Variants in LCLAT1 observed in about 807,000 individuals in gnomAD.
LCLAT1 encodes the protein lysocardiolipin acyltransferase 1.
Under a neutral mutation model 30.7 loss-of-function variants are expected in LCLAT1, and 11 were observed. The observed-to-expected ratio is 0.36, with a 90% CI of 0.23 to 0.59. LCLAT1 has a LOEUF of 0.59. Ranked by LOEUF, LCLAT1 falls within the 20% of genes least tolerant of loss-of-function variation. The pLI is 0.77. For synonymous variants in LCLAT1, 155 were observed against 151.3 expected, an observed-to-expected ratio of 1.02 and a Z score of -0.18; for missense variants, 402 against 458.6, an observed-to-expected ratio of 0.88 and a Z score of 1.13.
intron 1 of LCLAT1, among the ~76,000 whole-genome samples, chr2:30,510,548 C>T (rs570823717): frequency 6.6e-6 from 1 of 152,096 alleles, no homozygotes; most frequent in African/African-American, 2.4e-5. Context: ...CAGTGGTATT[C>T]CTTGGTGAAC....
At chr2:30,518,396 A>G (rs1558491300) in intron 1 of LCLAT1, among the ~76,000 whole-genome samples, 1 of 152,202 alleles carries the variant, frequency 6.6e-6, no homozygotes, top group Non-Finnish European at 1.5e-5. Context: ...AGTTAGAAAA[A>G]TTGTCTAATA....
At chr2:30,611,922 C>T (rs1181547277) in intron 5 of LCLAT1, among the ~76,000 whole-genome samples, 1 of 151,880 alleles carries the variant, frequency 6.6e-6, no homozygotes, top group African/African-American at 2.4e-5. Context: ...TTTTCAGAGC[C>T]GTGTCTGCAC....
chr2:30,580,732 T>A lies in LCLAT1; in HGVS notation c.628+12556T>A, dbSNP rs116716354. On this transcript the variant is annotated intron_variant, in intron 5 of 5. Coordinates refer to ENST00000379509, the MANE Select transcript of LCLAT1 (RefSeq NM_001002257.3). ...GTAGAGGATAGGAGCAGAAATCAGG[T>A]TAAGAGGGACTCCTCATTTTGTAAG... Among the ~76,000 whole-genome samples, 1,007 of 152,266 alleles carry A rather than the reference T, an allele frequency of 6.6e-3. 10 individuals are homozygous for A. The highest frequency in any genetic ancestry group is 0.023 in the African/African-American group (964 of 41,550).
chr2:30,564,354 G>A (rs1246962434), intron 4 of LCLAT1, among the ~76,000 whole-genome samples: 1 of 152,040 alleles, frequency 6.6e-6, no homozygotes, highest in African/African-American at 2.4e-5. Context: ...AAGGTCATAT[G>A]TTACTGCTAC....
intron 1 of LCLAT1, among the ~76,000 whole-genome samples, chr2:30,507,485 A>G (rs973729223): frequency 3.9e-5 from 6 of 152,058 alleles, no homozygotes; most frequent in African/African-American, 1.2e-4. Flanking sequence ...TCTACCCTTC[A>G]GTAGGCCCCA....
chr2:30,498,337 C>T (rs1359872409), intron 1 of LCLAT1, among the ~76,000 whole-genome samples: 1 of 152,070 alleles, frequency 6.6e-6, no homozygotes, highest in African/African-American at 2.4e-5. Context: ...GGCCTGGGAC[C>T]AATCAGGGGC....
chr2:30,567,276 C>G (rs1289535018), intron 4 of LCLAT1, among the ~76,000 whole-genome samples: 10 of 152,092 alleles, frequency 6.6e-5, no homozygotes, highest in Admixed American at 6.5e-4. Flanking sequence ...ATATGAATTT[C>G]AGAAAATGTA....
intron 3 of LCLAT1, among the ~76,000 whole-genome samples, chr2:30,543,031 C>A (rs1159779788): frequency 2.0e-5 from 3 of 148,922 alleles, no homozygotes; most frequent in Non-Finnish European, 4.4e-5. Flanking sequence ...GGGCAGACAT[C>A]CTTGCCGTGT....
intron 1 of LCLAT1, among the ~76,000 whole-genome samples, chr2:30,467,252 C>A (rs2148284697): frequency 6.6e-6 from 1 of 152,316 alleles, no homozygotes; most frequent in African/African-American, 2.4e-5. Flanking sequence ...ATCCATGTCC[C>A]TACAAAGGAC....
intron 2 of LCLAT1, among the ~76,000 whole-genome samples, chr2:30,531,524 C>T (rs796801854): frequency 6.6e-6 from 1 of 152,084 alleles, no homozygotes; most frequent in Non-Finnish European, 1.5e-5. Context: ...TTTTTATTGA[C>T]CTCTTGGAGG....
At chr2:30,455,502 A>C (rs1036698094) in intron 1 of LCLAT1, among the ~76,000 whole-genome samples, 1 of 152,164 alleles carries the variant, frequency 6.6e-6, no homozygotes, top group African/African-American at 2.4e-5. Context: ...TGCCTCTTCT[A>C]GCTTCTGGTG....
At chr2:30,576,515 A>G (rs1232904653) in intron 5 of LCLAT1, among the ~76,000 whole-genome samples, 3 of 152,142 alleles carry the variant, frequency 2.0e-5, no homozygotes, top group Admixed American at 6.6e-5. Flanking sequence ...ATGTAACAAT[A>G]TACTTTACCT....
chr2:30,591,899 T>C (rs1049687729), intron 5 of LCLAT1, among the ~76,000 whole-genome samples: 20 of 152,208 alleles, frequency 1.3e-4, no homozygotes, highest in African/African-American at 4.1e-4. Context: ...CTACCATAGT[T>C]AGTCACTCCT....
chr2:30,497,167 C>G (rs1305470572), intron 1 of LCLAT1, among the ~76,000 whole-genome samples: 1 of 152,186 alleles, frequency 6.6e-6, no homozygotes, highest in African/African-American at 2.4e-5. Context: ...CTGATATAAA[C>G]CGAAGTGCTT....
chr2:30,506,036 G>C (rs989990125), intron 1 of LCLAT1, among the ~76,000 whole-genome samples: 1 of 152,024 alleles, frequency 6.6e-6, no homozygotes, highest in Non-Finnish European at 1.5e-5. Flanking sequence ...GTCCTTCCTT[G>C]CTTCATTTTG....
intron 1 of LCLAT1, among the ~76,000 whole-genome samples, chr2:30,477,758 C>T (rs1445763908): frequency 6.6e-6 from 1 of 152,046 alleles, no homozygotes; most frequent in African/African-American, 2.4e-5. Context: ...AGGTGGCCAG[C>T]CTAGGATTTT....
chr2:30,523,086 G>A (rs1033450800), intron 1 of LCLAT1, among the ~76,000 whole-genome samples: 1 of 152,006 alleles, frequency 6.6e-6, no homozygotes, highest in African/African-American at 2.4e-5. Context: ...AGCTCTGCAG[G>A]GAGTTGAGGG....
chr2:30,627,819 T>G (rs1420085330), intron 5 of LCLAT1, among the ~76,000 whole-genome samples: 1 of 147,348 alleles, frequency 6.8e-6, no homozygotes, highest in East Asian at 2.0e-4. Context: ...TAATAAACAC[T>G]AGGAAAATAA....
intron 1 of LCLAT1, among the ~76,000 whole-genome samples, chr2:30,457,533 A>T (rs143843562): frequency 6.6e-6 from 1 of 152,198 alleles, no homozygotes; most frequent in Admixed American, 6.5e-5. Flanking sequence ...TGGAAGTACA[A>T]TGGTTTTCTT....
Sources: allele counts gnomAD v4.1 joint callset (sites outside exome capture counted in the v4.1 genomes callset), GRCh38; gene constraint gnomAD v4.1.1; transcripts MANE v1.5; gene names NCBI Gene and HGNC (gene_info 2026-07-23, HGNC 2026-07-21).